PPARGC1A: variants seen among roughly 807,000 people sequenced by gnomAD.
PPARGC1A encodes peroxisome proliferator-activated receptor gamma coactivator 1-alpha.
A neutral mutation model predicts 88.7 loss-of-function variants in PPARGC1A; 25 were observed. The observed-to-expected ratio is 0.28, with a 90% CI of 0.21 to 0.39. The LOEUF is 0.39. Among genes scored for constraint, PPARGC1A ranks in the 10% least tolerant of loss-of-function variants. The pLI, the probability that PPARGC1A is intolerant of heterozygous loss-of-function variation, is 1.00. For synonymous variants in PPARGC1A, 363 were observed against 355.6 expected, an observed-to-expected ratio of 1.02 and a Z score of -0.24; for missense variants, 880 against 968.7, an observed-to-expected ratio of 0.91 and a Z score of 1.22.
chr4:23,903,933 AACCCACCT>A, upstream of PPARGC1A: 1 of 709,278 alleles, frequency 1.4e-6, no homozygotes, highest in Non-Finnish European at 1.7e-6. Flanking sequence ...AATAAAACAA[AACCCACCT>A]ACCAATAGCA....
the PPARGC1A span, among the ~76,000 whole-genome samples, chr4:24,153,474 T>A: frequency 3.9e-5 from 6 of 152,200 alleles, no homozygotes; most frequent in East Asian, 1.2e-3. Flanking sequence ...TCTTTATAAA[T>A]GAAGTATAAA....
At chr4:24,348,152 G>A in the PPARGC1A span, among the ~76,000 whole-genome samples, 34 of 152,344 alleles carry the variant, frequency 2.2e-4, no homozygotes, top group African/African-American at 7.7e-4. Flanking sequence ...CTTCTAGCTT[G>A]TAAGGTTTCT....
the PPARGC1A span, among the ~76,000 whole-genome samples, chr4:24,443,473 G>T: frequency 1.3e-5 from 2 of 152,142 alleles, 1 homozygote; most frequent in Non-Finnish European, 2.9e-5. Flanking sequence ...AGAATGACCA[G>T]GTCATGGAGG....
At chr4:23,907,572 C>T (rs1318371797), upstream of PPARGC1A, among the ~76,000 whole-genome samples, 1 of 152,148 alleles carries the variant, frequency 6.6e-6, no homozygotes, top group South Asian at 2.1e-4. Context: ...AGCTGCTTAA[C>T]TTGTCTGATT....
intron 7 of PPARGC1A, among the ~76,000 whole-genome samples, chr4:23,819,753 G>A (rs556995600): frequency 1.3e-5 from 2 of 152,320 alleles, no homozygotes; most frequent in African/African-American, 4.8e-5. Context: ...ATCTCTGACA[G>A]TAAGAGTCGC....
the PPARGC1A span, among the ~76,000 whole-genome samples, chr4:24,035,693 T>C: frequency 6.6e-6 from 1 of 152,198 alleles, no homozygotes; most frequent in African/African-American, 2.4e-5. Flanking sequence ...GGCAGTTTTG[T>C]GTGGTTCACA....
At chr4:24,413,434 A>C in the PPARGC1A span, among the ~76,000 whole-genome samples, 1 of 152,242 alleles carries the variant, frequency 6.6e-6, no homozygotes, top group Non-Finnish European at 1.5e-5. Flanking sequence ...AGATTATGCC[A>C]GGAACACAGT....
chr4:24,287,982 T>A, the PPARGC1A span, among the ~76,000 whole-genome samples: 1 of 152,042 alleles, frequency 6.6e-6, no homozygotes, highest in Admixed American at 6.6e-5. Flanking sequence ...TTCTGCCTGC[T>A]CACACCCTCT....
chr4:24,417,502 G>C, the PPARGC1A span, among the ~76,000 whole-genome samples: 1 of 152,146 alleles, frequency 6.6e-6, no homozygotes, highest in South Asian at 2.1e-4. Context: ...AACCTCTCTG[G>C]GTGTATGTAA....
the PPARGC1A span, among the ~76,000 whole-genome samples, chr4:24,045,605 C>G: frequency 1.6e-4 from 25 of 152,188 alleles, no homozygotes; most frequent in African/African-American, 6.0e-4. Context: ...CTGCCTCTGT[C>G]TTCACATGGA....
chr4:24,088,248 A>G, the PPARGC1A span, among the ~76,000 whole-genome samples: 1 of 151,908 alleles, frequency 6.6e-6, no homozygotes, highest in African/African-American at 2.4e-5. Flanking sequence ...CCAACTACTC[A>G]GGAGGCTGAA....
chr4:23,879,374 T>C (rs1204986809), intron 2 of PPARGC1A, among the ~76,000 whole-genome samples: 1 of 152,154 alleles, frequency 6.6e-6, no homozygotes, highest in East Asian at 1.9e-4. Flanking sequence ...GGGTTAAATA[T>C]GTTCTGTCCC....
At chr4:24,064,050 C>T in the PPARGC1A span, among the ~76,000 whole-genome samples, 5 of 152,274 alleles carry the variant, frequency 3.3e-5, no homozygotes, top group African/African-American at 4.8e-5. Flanking sequence ...CTGAACTGCC[C>T]GAGCAGCACC....
intron 2 of PPARGC1A, chr4:23,881,359 G>T (rs921892308): frequency 6.6e-6 from 1 of 152,134 alleles, no homozygotes; most frequent in African/African-American, 2.4e-5. Context: ...AACATTGTTT[G>T]CGTGTCCAGT....
At chr4:23,996,447 T>C in the PPARGC1A span, among the ~76,000 whole-genome samples, 1 of 152,130 alleles carries the variant, frequency 6.6e-6, no homozygotes, top group Non-Finnish European at 1.5e-5. Context: ...GAATACCCCA[T>C]GAAGCAAGTT....
At chr4:24,290,215 A>T in the PPARGC1A span, among the ~76,000 whole-genome samples, 35 of 151,434 alleles carry the variant, frequency 2.3e-4, no homozygotes, top group Non-Finnish European at 2.4e-4. Flanking sequence ...TTTTTTTTTT[A>T]AATTTATTTT....
the PPARGC1A span, among the ~76,000 whole-genome samples, chr4:24,054,661 T>A: frequency 2.6e-5 from 4 of 152,214 alleles, no homozygotes; most frequent in Admixed American, 6.5e-5. Flanking sequence ...AACTGGCAAA[T>A]GAGTTTATAT....
At chr4:23,993,593 C>A in the PPARGC1A span, among the ~76,000 whole-genome samples, 1 of 152,098 alleles carries the variant, frequency 6.6e-6, no homozygotes, top group Non-Finnish European at 1.5e-5. Flanking sequence ...ATCATCAGCC[C>A]CATTTTGCAG....
Position 23,795,891 on chromosome 4 carries a change from G to C in PPARGC1A, c.2328C>G (p.Thr776=). The change falls in exon 13 of 13, where the codon ACC becomes ACG. Residue 776 remains threonine (T), a synonymous_variant. Coordinates refer to ENST00000264867, the MANE Select transcript of PPARGC1A (RefSeq NM_013261.5). ...SNSDDFDPAS[T]KSKYDSLDFD... is the part of the protein sequence containing the mutation. ...AATCCAGAGAGTCATACTTGCTCTT[G>C]GTGGAAGCAGGGTCAAAGTCATCTG... 6.2e-7 allele frequency: 1 copy of C among 1,611,528 alleles called. No individual in the cohort carries two copies. The highest frequency in any genetic ancestry group is 1.1e-5 in the South Asian group (1 of 90,750).
Sources: allele counts gnomAD v4.1 joint callset (sites outside exome capture counted in the v4.1 genomes callset), GRCh38; gene constraint gnomAD v4.1.1; transcripts MANE v1.5; gene names NCBI Gene and HGNC (gene_info 2026-07-23, HGNC 2026-07-21).